XDH: variants seen among roughly 807,000 people sequenced by gnomAD.
XDH encodes xanthine dehydrogenase/oxidase.
Under a neutral mutation model 156.1 loss-of-function variants are expected in XDH, and 138 were observed. The observed-to-expected ratio is 0.88, with a 90% confidence interval of 0.77 to 1.02. The LOEUF is 1.02. XDH is among the 50% of genes least tolerant of loss of function. The pLI, the probability that XDH is intolerant of heterozygous loss-of-function variation, is 0.00. For synonymous variants in XDH, 669 were observed against 625.7 expected (o/e 1.07, Z -1.03); for missense variants, 1,849 against 1,684.9 (o/e 1.10, Z -1.71).
chr2:31,368,518 ACAGG>A lies in XDH; in HGVS notation c.2100+19_2100+22del, dbSNP rs45446491. The A allele has an allele frequency of 0.029, 46,240 of 1,613,988 alleles. 800 individuals carry two copies. Among genetic ancestry groups the A allele is most frequent in the Middle Eastern group, 0.043 (261 of 6,062 alleles). On this transcript the variant is annotated intron_variant, in intron 19 of 35. Coordinates refer to ENST00000379416, the MANE Select transcript of XDH (RefSeq NM_000379.4). Reference sequence around the variant, plus strand: ...AGGGACGGGGAGCTCACTCCTCTACACAGGCAGCCCATTCTCAGTTACCTCAATT... The same window carrying A: ...AGGGACGGGGAGCTCACTCCTCTACACAGCCCATTCTCAGTTACCTCAATT...
chr2:31,344,868 A>G lies in XDH; in HGVS notation c.3352-132T>C. 5 of 876,212 alleles carry G rather than the reference A, an allele frequency of 5.7e-6. No individual in the cohort carries two copies. The East Asian group carries it at 1.3e-4, about 23-fold the overall frequency. 54.3% of individuals were successfully genotyped at this position (876,212 alleles called of 1,614,324 possible). On this transcript the variant is annotated intron_variant, in intron 30 of 35. Transcript: ENST00000379416. ...TTTTACTAGTGACTCCCATTTCCAT[A>G]CCTTACCTTACATTGTCACTGGCAC...
At chr2:31,404,735 A>G (rs954657133) in intron 2 of XDH, among the ~76,000 whole-genome samples, 1 of 152,046 alleles carries the variant, frequency 6.6e-6, no homozygotes, top group African/African-American at 2.4e-5. Context: ...ATCTAGTGAC[A>G]CTTTCACTCC....
chr2:31,389,440 C>A (rs910509483), intron 6 of XDH, among the ~76,000 whole-genome samples: 6 of 152,170 alleles, frequency 3.9e-5, no homozygotes, highest in South Asian at 2.1e-4. Flanking sequence ...AGCCTCCCCC[C>A]AGCCAGCCAC....
intron 24 of XDH, among the ~76,000 whole-genome samples, chr2:31,355,964 G>A (rs980505862): frequency 2.0e-5 from 3 of 152,144 alleles, no homozygotes; most frequent in African/African-American, 7.2e-5. Context: ...AAGAAAGCAA[G>A]AGTGGCTTTA....
At position 31,370,491 on chromosome 2, in the gene XDH, G is replaced by C; in HGVS notation, c.1857-13C>G. 1.2e-6 allele frequency: 2 copies of C among 1,614,096 alleles called. No homozygotes were observed. ...TGTATCTATGGACCTGCAAGAATGA[G>C]TGGTGTGAGGGGCCAGGTCAGCAAG... On this transcript the variant is annotated splice_polypyrimidine_tract_variant and intron_variant, in intron 17 of 35. Coordinates refer to ENST00000379416, the MANE Select transcript of XDH (RefSeq NM_000379.4).
intron 24 of XDH, among the ~76,000 whole-genome samples, chr2:31,361,153 C>A (rs1160077101): frequency 1.3e-5 from 2 of 152,228 alleles, no homozygotes; most frequent in Admixed American, 1.3e-4. Flanking sequence ...GTCAACAGCA[C>A]AAGATTGCTG....
intron 24 of XDH, among the ~76,000 whole-genome samples, chr2:31,360,164 T>G (rs191433078): frequency 6.6e-6 from 1 of 152,226 alleles, no homozygotes; most frequent in East Asian, 1.9e-4. Flanking sequence ...GGTCCAAACA[T>G]ATTATGTGGA....
At position 31,391,397 on chromosome 2, in the gene XDH, G is replaced by T. The variant is rs45473493; in HGVS notation, c.496-3102C>A. ...TCCATACTACACTGTCTTGATAACT[G>T]CAGCTTTGTAGTAAATCTTGAAATT... On this transcript the variant is annotated intron_variant, in intron 6 of 35. Coordinates refer to ENST00000379416, the MANE Select transcript of XDH (RefSeq NM_000379.4). 9.6e-3 allele frequency among the ~76,000 whole-genome samples: 1,458 copies of T among 152,126 alleles called. 26 individuals carry two copies. The highest frequency in any genetic ancestry group is 0.032 in the African/African-American group (1,324 of 41,480).
chr2:31,344,741 G>A lies in XDH; in HGVS notation c.3352-5C>T. 1 of 1,614,158 alleles carries A rather than the reference G, an allele frequency of 6.2e-7. No homozygotes were observed. The highest frequency in any genetic ancestry group is 8.5e-7 in the Non-Finnish European group (1 of 1,180,028). On this transcript the variant is annotated splice_region_variant and splice_polypyrimidine_tract_variant and intron_variant, in intron 30 of 35. Coordinates refer to ENST00000379416, the MANE Select transcript of XDH (RefSeq NM_000379.4). ...GTCCATGTAGGCAGCTGTGACCTGA[G>A]GAGAGGAGATGGCCATCAGGCAGGT... is the stretch of plus-strand genomic sequence containing the variant.
intron 34 of XDH, 62 bp from the exon 35 acceptor site, chr2:31,337,879 A>T: frequency 6.4e-7 from 1 of 1,574,272 alleles, no homozygotes; most frequent in Non-Finnish European, 8.7e-7. Context: ...CACATCATCA[A>T]GTGGACCTAG....
At chr2:31,370,858 A>C (rs1455804116) in intron 17 of XDH, among the ~76,000 whole-genome samples, 1 of 152,158 alleles carries the variant, frequency 6.6e-6, no homozygotes, top group African/African-American at 2.4e-5. Context: ...TAAAGTGAAG[A>C]AGGCAGGCCA....
At chr2:31,399,536 T>C (rs756144341) in intron 4 of XDH, among the ~76,000 whole-genome samples, 3 of 152,150 alleles carry the variant, frequency 2.0e-5, no homozygotes, top group Non-Finnish European at 4.4e-5. Flanking sequence ...TACCATTGGA[T>C]AGGGAGGATT....
rs764261640 is a variant in XDH, at chr2:31,335,924, G to T, written c.*34C>A. The T allele has an allele frequency of 6.2e-7, 1 of 1,612,850 alleles. No individual in the cohort carries two copies. Among genetic ancestry groups the T allele is most frequent in the South Asian group, 1.1e-5 (1 of 91,038 alleles). On this transcript the variant is annotated 3_prime_UTR_variant, in exon 36 of 36. Transcript: ENST00000379416. ...CCTCCTGCTCCATGGAAGCCCAAAG[G>T]CAGCACAAGAAGACTCTGCTGAGGA...
intron 5 of XDH, among the ~76,000 whole-genome samples, chr2:31,398,026 A>G (rs1349406952): frequency 3.9e-5 from 6 of 152,220 alleles, no homozygotes; most frequent in Non-Finnish European, 7.3e-5. Context: ...ATCAGACTAC[A>G]TTACAAACTC....
At chr2:31,382,954 T>A (rs1241921437) in intron 11 of XDH, 47 bp downstream of exon 11, 7 of 1,613,204 alleles carry the variant, frequency 4.3e-6, no homozygotes, top group Non-Finnish European at 5.9e-6. Flanking sequence ...TGCTTTCAGA[T>A]GAAAGCTCCA....
At chr2:31,359,403 G>A (rs1385717442) in intron 24 of XDH, among the ~76,000 whole-genome samples, 1 of 151,652 alleles carries the variant, frequency 6.6e-6, no homozygotes, top group Non-Finnish European at 1.5e-5. Flanking sequence ...TTTACTCTTG[G>A]CCCTTTTAGT....
intron 1 of XDH, among the ~76,000 whole-genome samples, chr2:31,411,014 G>T (rs964806945): frequency 5.9e-5 from 9 of 152,152 alleles, no homozygotes; most frequent in Admixed American, 4.6e-4. Context: ...GCCAGGCGCG[G>T]TGGCTCACGC....
At chr2:31,378,203 G>A (rs1365881714) in intron 13 of XDH, among the ~76,000 whole-genome samples, 1 of 151,770 alleles carries the variant, frequency 6.6e-6, no homozygotes. Context: ...AAGCAAGAAA[G>A]CAAGCAAGAA....
At chr2:31,386,061 G>A (rs189497159) in intron 9 of XDH, among the ~76,000 whole-genome samples, 2 of 152,326 alleles carry the variant, frequency 1.3e-5, no homozygotes, top group East Asian at 3.9e-4. Context: ...GTAAATGTTT[G>A]TGGAGAGAAG....
Sources: allele counts gnomAD v4.1 joint callset (sites outside exome capture counted in the v4.1 genomes callset), GRCh38; gene constraint gnomAD v4.1.1; transcripts MANE v1.5; gene names NCBI Gene and HGNC (gene_info 2026-07-23, HGNC 2026-07-21).